The following ZNF385B variants were observed in gnomAD, a reference collection of about 807,000 sequenced individuals.
ZNF385B encodes zinc finger protein 385B.
ZNF385B carries 23 observed loss-of-function variants against 39.2 expected under a neutral mutation model. The observed-to-expected ratio is 0.59, with a 90% confidence interval of 0.42 to 0.83. The LOEUF (loss-of-function observed/expected upper bound fraction) is 0.83. Ranked by LOEUF, ZNF385B falls within the 40% of genes least tolerant of loss-of-function variation. The pLI, the probability that ZNF385B is intolerant of heterozygous loss-of-function variation, is 0.00. For synonymous variants in ZNF385B, 205 were observed against 222.6 expected (o/e 0.92, Z 0.70); for missense variants, 552 against 598.9 (o/e 0.92, Z 0.82).
intron 3 of ZNF385B, among the ~76,000 whole-genome samples, chr2:179,725,938 A>G (rs1277575449): frequency 6.7e-6 from 1 of 149,636 alleles, no homozygotes; most frequent in Non-Finnish European, 1.5e-5. Context: ...ATATATGTGT[A>G]TATACAGAGA....
chr2:179,464,344 T>C (rs561472842), intron 6 of ZNF385B, among the ~76,000 whole-genome samples: 2 of 152,342 alleles, frequency 1.3e-5, no homozygotes, highest in African/African-American at 4.8e-5. Flanking sequence ...CAGAAGCTCT[T>C]TAGTTTAATT....
At chr2:179,550,116 T>A (rs1251052152) in intron 3 of ZNF385B, among the ~76,000 whole-genome samples, 1 of 149,656 alleles carries the variant, frequency 6.7e-6, no homozygotes, top group Non-Finnish European at 1.5e-5. Flanking sequence ...ATATTTCTTA[T>A]GTTAGCCCAA....
At chr2:179,857,130 G>C (rs1684667611) in intron 1 of ZNF385B, among the ~76,000 whole-genome samples, 1 of 152,178 alleles carries the variant, frequency 6.6e-6, no homozygotes, top group African/African-American at 2.4e-5. Context: ...TAAAGTTTAA[G>C]AAGCACTGGT....
intron 6 of ZNF385B, among the ~76,000 whole-genome samples, chr2:179,462,014 C>T (rs1324500100): frequency 1.3e-5 from 2 of 152,166 alleles, no homozygotes; most frequent in African/African-American, 4.8e-5. Flanking sequence ...TAGAATTGCA[C>T]TTTGTGCTTT....
intron 3 of ZNF385B, among the ~76,000 whole-genome samples, chr2:179,752,690 G>C (rs1038488703): frequency 6.6e-5 from 10 of 152,122 alleles, no homozygotes; most frequent in African/African-American, 2.4e-4. Context: ...GTCCAGTGAT[G>C]ATGAGCATTT....
intron 3 of ZNF385B, among the ~76,000 whole-genome samples, chr2:179,723,228 GA>G (rs1194264817): frequency 6.6e-6 from 1 of 151,216 alleles, no homozygotes; most frequent in Admixed American, 6.6e-5. Flanking sequence ...GCATAAAACA[GA>G]AAAAAAAATT....
chr2:179,576,216 C>T (rs1685794606), intron 3 of ZNF385B: 1 of 982,406 alleles, frequency 1.0e-6, no homozygotes, highest in Non-Finnish European at 1.2e-6. Context: ...TCCTTCACTC[C>T]AGTTTTAATC....
intron 6 of ZNF385B, among the ~76,000 whole-genome samples, chr2:179,448,846 TAGC>T (rs894267777): frequency 6.6e-6 from 1 of 152,162 alleles, no homozygotes; most frequent in African/African-American, 2.4e-5. Context: ...AGATGTGAAA[TAGC>T]AGTTGCTTTG....
chr2:179,592,315 AAT>A (rs1312088165), intron 3 of ZNF385B, among the ~76,000 whole-genome samples: 3 of 152,222 alleles, frequency 2.0e-5, no homozygotes, highest in African/African-American at 7.2e-5. Context: ...AAATAACTTA[AAT>A]GCCATTTTTA....
intron 3 of ZNF385B, chr2:179,745,913 C>T: frequency 1.6e-6 from 2 of 1,250,726 alleles, no homozygotes; most frequent in Admixed American, 4.0e-5. Context: ...TGGCTTATTG[C>T]ACTGCTCATT....
intron 3 of ZNF385B, among the ~76,000 whole-genome samples, chr2:179,763,525 T>G (rs62180383): frequency 1.3e-5 from 2 of 152,166 alleles, no homozygotes; most frequent in Non-Finnish European, 1.5e-5. Flanking sequence ...TCTTTATTAC[T>G]TTCTTCCTTC....
At chr2:179,457,257 CTATT>C (rs1383923386) in intron 6 of ZNF385B, among the ~76,000 whole-genome samples, 1 of 151,944 alleles carries the variant, frequency 6.6e-6, no homozygotes, top group Non-Finnish European at 1.5e-5. Flanking sequence ...GAGTATGCCA[CTATT>C]TATTTATTTA....
chr2:179,472,073 G>A (rs952650075), intron 6 of ZNF385B, among the ~76,000 whole-genome samples: 15 of 152,014 alleles, frequency 9.9e-5, no homozygotes, highest in African/African-American at 2.9e-4. Context: ...TATAGAATCC[G>A]GGAAGAGGAA....
intron 4 of ZNF385B, among the ~76,000 whole-genome samples, chr2:179,541,699 A>C (rs2059928126): frequency 6.6e-6 from 1 of 152,178 alleles, no homozygotes; most frequent in South Asian, 2.1e-4. Flanking sequence ...TGTTTTTCAA[A>C]TATATTCTGC....
intron 3 of ZNF385B, among the ~76,000 whole-genome samples, chr2:179,726,981 A>T (rs1466903842): frequency 1.3e-5 from 2 of 152,042 alleles, no homozygotes; most frequent in South Asian, 2.1e-4. Flanking sequence ...GAGTACTTTA[A>T]CCACAATGTG....
At chr2:179,509,465 C>A (rs1322717997) in intron 5 of ZNF385B, among the ~76,000 whole-genome samples, 1 of 152,138 alleles carries the variant, frequency 6.6e-6, no homozygotes, top group African/African-American at 2.4e-5. Context: ...TATGTCCCTG[C>A]TCCCTGTAAT....
At chr2:179,554,891 CTA>C (rs1319898847) in intron 3 of ZNF385B, among the ~76,000 whole-genome samples, 1 of 149,242 alleles carries the variant, frequency 6.7e-6, no homozygotes, top group African/African-American at 2.5e-5. Context: ...AACTAGAACT[CTA>C]TATTAAAGTG....
intron 3 of ZNF385B, among the ~76,000 whole-genome samples, chr2:179,709,877 T>C (rs919026287): frequency 2.0e-5 from 3 of 152,156 alleles, no homozygotes; most frequent in African/African-American, 7.2e-5. Context: ...ACTGCAGGCA[T>C]ATCCCAGCAA....
chr2:179,481,538 C>G (rs920139646), intron 6 of ZNF385B, among the ~76,000 whole-genome samples: 2 of 151,926 alleles, frequency 1.3e-5, no homozygotes, highest in Non-Finnish European at 2.9e-5. Flanking sequence ...ATTATCCCTA[C>G]AGCCAACCCA....
Sources: gnomAD v4.1 joint callset for allele counts (sites outside exome capture counted in the v4.1 genomes callset) on GRCh38, gnomAD v4.1.1 for gene constraint, MANE v1.5 for transcripts, NCBI Gene and HGNC (gene_info 2026-07-23, HGNC 2026-07-21) for gene names.